Variants in MICU2 observed in about 807,000 individuals in gnomAD.
MICU2 encodes the protein calcium uptake protein 2, mitochondrial.
MICU2 carries 64 observed loss-of-function variants against 60.4 expected under a neutral mutation model. That is an observed-to-expected ratio of 1.06 (90% CI 0.87 to 1.31). MICU2 has a LOEUF of 1.31. Ranked by LOEUF, MICU2 falls within the 50% of genes most tolerant of loss-of-function variation. MICU2 has a pLI of 0.00. For missense variants in MICU2, 569 were observed against 531.0 expected (o/e 1.07, Z -0.70); for synonymous variants, 201 against 175.0 (o/e 1.15, Z -1.17).
intron 2 of MICU2, among the ~76,000 whole-genome samples, chr13:21,549,715 G>C (rs1436367723): frequency 2.0e-5 from 3 of 152,202 alleles, no homozygotes; most frequent in African/African-American, 4.8e-5. Flanking sequence ...TTCCTGTGGT[G>C]TCTCTCTAAA....
chr13:21,539,709 T>C, intron 2 of MICU2, 21 bp from the exon 3 acceptor site: 1 of 1,610,786 alleles, frequency 6.2e-7, no homozygotes, highest in Non-Finnish European at 8.5e-7. Flanking sequence ...TAAGAAACAT[T>C]ATTTAGTATC....
chr13:21,603,903 C>T lies in MICU2; in HGVS notation c.210+36G>A, dbSNP rs778312988. The T allele has an allele frequency of 6.2e-6, 10 of 1,605,250 alleles. No homozygotes were observed. In the South Asian group the frequency reaches 1.1e-4, roughly 18 times the overall value. On this transcript the variant is annotated intron_variant, in intron 1 of 11. Coordinates refer to ENST00000382374, the MANE Select transcript of MICU2 (RefSeq NM_152726.3). ...CTAAGGGCGTCAGGGGAGGGAGGAGCTTGACTGGGGCTAGCAGAAGGAGTT... is the reference window on the plus strand; with the variant it reads ...CTAAGGGCGTCAGGGGAGGGAGGAGTTTGACTGGGGCTAGCAGAAGGAGTT...
intron 4 of MICU2, chr13:21,530,591 G>C (rs1365661870): frequency 4.3e-6 from 1 of 232,614 alleles, no homozygotes; most frequent in South Asian, 1.0e-4. Flanking sequence ...TGTGTGTGCA[G>C]GCTGATGAAT....
chr13:21,592,051 CA>C (rs35580121), intron 1 of MICU2, among the ~76,000 whole-genome samples: 7,276 of 143,872 alleles, frequency 0.051, 323 homozygotes, highest in African/African-American at 0.12. Context: ...GAAAATCCTC[CA>C]AAAAAAAAAA....
chr13:21,579,027 G>A (rs768367135), intron 1 of MICU2, among the ~76,000 whole-genome samples: 1 of 152,204 alleles, frequency 6.6e-6, no homozygotes, highest in Non-Finnish European at 1.5e-5. Context: ...TACCATGGTT[G>A]ATTAAGGTTT....
At chr13:21,572,323 A>C (rs1039675913) in intron 1 of MICU2, among the ~76,000 whole-genome samples, 3 of 152,220 alleles carry the variant, frequency 2.0e-5, no homozygotes, top group Non-Finnish European at 2.9e-5. Flanking sequence ...CAGGAGTTTT[A>C]GTATTTATAC....
At chr13:21,574,427 A>G (rs1888179355) in intron 1 of MICU2, among the ~76,000 whole-genome samples, 1 of 152,250 alleles carries the variant, frequency 6.6e-6, no homozygotes, top group Admixed American at 6.5e-5. Flanking sequence ...TGACAAAGGA[A>G]TTAAGAGCAA....
chr13:21,534,053 G>A (rs1463030504), intron 4 of MICU2, among the ~76,000 whole-genome samples: 6 of 150,786 alleles, frequency 4.0e-5, no homozygotes, highest in Admixed American at 2.0e-4. Flanking sequence ...ACGCCACTGC[G>A]CTCTAGTCTG....
intron 9 of MICU2, among the ~76,000 whole-genome samples, chr13:21,501,423 T>C (rs753686236): frequency 1.1e-4 from 16 of 152,008 alleles, no homozygotes; most frequent in East Asian, 9.7e-4. Flanking sequence ...CCACCATGCC[T>C]GGCTAATTTT....
At chr13:21,560,114 G>C (rs1233557488) in intron 2 of MICU2, among the ~76,000 whole-genome samples, 1 of 151,710 alleles carries the variant, frequency 6.6e-6, no homozygotes, top group Non-Finnish European at 1.5e-5. Flanking sequence ...TTAAATTTTG[G>C]AAGTCTTTGG....
At chr13:21,507,891 C>T (rs1326521496) in intron 8 of MICU2, among the ~76,000 whole-genome samples, 3 of 151,930 alleles carry the variant, frequency 2.0e-5, no homozygotes, top group Non-Finnish European at 2.9e-5. Flanking sequence ...CATGAGCCAC[C>T]GCGCCCGGCC....
chr13:21,554,524 T>C (rs1460198684), intron 2 of MICU2, among the ~76,000 whole-genome samples: 1 of 151,872 alleles, frequency 6.6e-6, no homozygotes, highest in African/African-American at 2.4e-5. Flanking sequence ...CTGGGACACA[T>C]TCAAAGCAGT....
At chr13:21,603,156 G>A (rs1485542435) in intron 1 of MICU2, among the ~76,000 whole-genome samples, 1 of 151,980 alleles carries the variant, frequency 6.6e-6, no homozygotes, top group African/African-American at 2.4e-5. Flanking sequence ...GGGCTGGGGT[G>A]GGGAGCGGCT....
At chr13:21,539,635 C>T (rs1214482044) in intron 3 of MICU2, 22 bp downstream of exon 3, 1 of 1,613,768 alleles carries the variant, frequency 6.2e-7, no homozygotes, top group Non-Finnish European at 8.5e-7. Flanking sequence ...ACAAACCCTG[C>T]CCCCCACAAC....
chr13:21,552,511 A>G (rs1887597635), intron 2 of MICU2, among the ~76,000 whole-genome samples: 1 of 152,156 alleles, frequency 6.6e-6, no homozygotes, highest in East Asian at 1.9e-4. Flanking sequence ...GCCCATGCCT[A>G]TGTCCTGAAT....
At chr13:21,494,120 T>C (rs1246016080) in intron 11 of MICU2, among the ~76,000 whole-genome samples, 2 of 152,228 alleles carry the variant, frequency 1.3e-5, no homozygotes, top group Non-Finnish European at 2.9e-5. Context: ...TTTCCCGGAA[T>C]ATATTTATGG....
chr13:21,554,075 T>C (rs1887641276), intron 2 of MICU2, among the ~76,000 whole-genome samples: 1 of 152,048 alleles, frequency 6.6e-6, no homozygotes, highest in African/African-American at 2.4e-5. Context: ...TCCCACACAA[T>C]AATAATGGGA....
intron 4 of MICU2, among the ~76,000 whole-genome samples, chr13:21,524,778 C>G (rs1054099603): frequency 9.9e-5 from 15 of 152,168 alleles, no homozygotes; most frequent in Non-Finnish European, 1.9e-4. Context: ...ATCCCACCAC[C>G]CATTCCTGCC....
intron 2 of MICU2, among the ~76,000 whole-genome samples, chr13:21,544,581 A>T (rs79664540): frequency 0.019 from 2,920 of 151,632 alleles, 36 homozygotes; most frequent in Non-Finnish European, 0.029. Context: ...AACTATAATG[A>T]GGTATCGTCT....
Sources: gnomAD v4.1 joint callset for allele counts (sites outside exome capture counted in the v4.1 genomes callset) on GRCh38, gnomAD v4.1.1 for gene constraint, MANE v1.5 for transcripts, NCBI Gene and HGNC (gene_info 2026-07-23, HGNC 2026-07-21) for gene names.